The following KCNK9 variants were observed in gnomAD, a reference collection of about 807,000 sequenced individuals.
KCNK9 encodes potassium two pore domain channel subfamily K member 9.
Under a neutral mutation model 10.8 loss-of-function variants are expected in KCNK9, and 1 was observed. The ratio of observed to expected loss-of-function variants is 0.09; its 90% CI spans 0.03 to 0.44. KCNK9 has a LOEUF of 0.44. KCNK9 is among the 20% of genes least tolerant of loss of function. KCNK9 has a pLI of 0.97. For missense variants in KCNK9, 303 were observed against 515.0 expected (o/e 0.59, Z 3.98); for synonymous variants, 231 against 222.7 (o/e 1.04, Z -0.33).
rs569354406 is a variant in KCNK9 at position 139,668,410 on chromosome 8, G to C, written c.283+34300C>G. Among the ~76,000 whole-genome samples, 7 of 145,268 alleles carry C rather than the reference G, an allele frequency of 4.8e-5. No individual in the cohort carries two copies. The East Asian group carries it at 1.2e-3, about 25-fold the overall frequency. ...TGCACACTTAACAGACTGTAGTATA[G>C]TGTAAACAATACTTTTTTTTTTTTT... On this transcript the variant is annotated intron_variant, in intron 1 of 1. Transcript: ENST00000520439.
intron 1 of KCNK9, among the ~76,000 whole-genome samples, chr8:139,691,198 T>TC: frequency 6.6e-6 from 1 of 152,176 alleles, no homozygotes; most frequent in Middle Eastern, 3.4e-3. Flanking sequence ...CAGGCTCCCT[T>TC]CCCCTCCCCC....
chr8:139,640,018 C>T (rs1325227654), intron 1 of KCNK9, among the ~76,000 whole-genome samples: 1 of 152,178 alleles, frequency 6.6e-6, no homozygotes, highest in Non-Finnish European at 1.5e-5. Flanking sequence ...CCTCCATCCA[C>T]TTCCTGCCAA....
intron 1 of KCNK9, among the ~76,000 whole-genome samples, chr8:139,668,539 A>C (rs1442842917): frequency 6.6e-6 from 1 of 151,450 alleles, no homozygotes. Context: ...ATCCTGCCTC[A>C]GCCTCCCAAG....
intron 1 of KCNK9, among the ~76,000 whole-genome samples, chr8:139,657,769 A>G (rs1314787545): frequency 6.6e-6 from 1 of 152,212 alleles, no homozygotes; most frequent in East Asian, 1.9e-4. Flanking sequence ...AAAGCTTTGC[A>G]TGAATTAACT....
At chr8:139,654,787 C>T (rs1323924575) in intron 1 of KCNK9, among the ~76,000 whole-genome samples, 1 of 152,210 alleles carries the variant, frequency 6.6e-6, no homozygotes, top group African/African-American at 2.4e-5. Flanking sequence ...CACCATGCTA[C>T]CCCGGGGCCT....
chr8:139,652,842 C>T (rs1815909809), intron 1 of KCNK9, among the ~76,000 whole-genome samples: 1 of 152,182 alleles, frequency 6.6e-6, no homozygotes, highest in Non-Finnish European at 1.5e-5. Context: ...TCTGGGGTCC[C>T]CTCAGCCCCT....
chr8:139,698,424 G>A (rs1563756220), intron 1 of KCNK9, among the ~76,000 whole-genome samples: 2 of 152,208 alleles, frequency 1.3e-5, no homozygotes, highest in Admixed American at 6.5e-5. Flanking sequence ...GAAAAAGGCT[G>A]GGACTGAGGC....
intron 1 of KCNK9, among the ~76,000 whole-genome samples, chr8:139,621,024 T>G (rs553831176): frequency 3.9e-5 from 6 of 152,316 alleles, no homozygotes; most frequent in African/African-American, 1.4e-4. Context: ...GCTTCACACC[T>G]GTAATCCCAG....
chr8:139,658,602 C>A (rs927595338), intron 1 of KCNK9, among the ~76,000 whole-genome samples: 2 of 152,220 alleles, frequency 1.3e-5, no homozygotes, highest in Non-Finnish European at 2.9e-5. Flanking sequence ...ACAACCCCTG[C>A]CTTCTGGAAT....
At chr8:139,695,397 G>C (rs1817025780) in intron 1 of KCNK9, among the ~76,000 whole-genome samples, 1 of 152,212 alleles carries the variant, frequency 6.6e-6, no homozygotes, top group Non-Finnish European at 1.5e-5. Flanking sequence ...ATTATTGGGA[G>C]AAACTCAGGA....
intron 1 of KCNK9, among the ~76,000 whole-genome samples, chr8:139,645,140 C>T (rs1034219792): frequency 6.6e-6 from 1 of 152,210 alleles, no homozygotes; most frequent in African/African-American, 2.4e-5. Context: ...GTGGCAGGGG[C>T]ACCCACCAAG....
At chr8:139,681,673 A>G (rs564813204) in intron 1 of KCNK9, among the ~76,000 whole-genome samples, 1 of 152,328 alleles carries the variant, frequency 6.6e-6, no homozygotes, top group East Asian at 1.9e-4. Flanking sequence ...TCCCTCTGCC[A>G]TAAGGAACAA....
chr8:139,653,051 G>A (rs1327790176), intron 1 of KCNK9, among the ~76,000 whole-genome samples: 1 of 152,178 alleles, frequency 6.6e-6, no homozygotes, highest in Non-Finnish European at 1.5e-5. Context: ...CCCCATGCCA[G>A]CGCCCCAGCA....
intron 1 of KCNK9, among the ~76,000 whole-genome samples, chr8:139,692,828 G>A (rs545484516): frequency 6.6e-6 from 1 of 152,276 alleles, no homozygotes; most frequent in South Asian, 2.1e-4. Context: ...GCCTGGCACT[G>A]CCTGTTTCCA....
intron 1 of KCNK9, among the ~76,000 whole-genome samples, chr8:139,701,202 T>C (rs1288494553): frequency 6.6e-6 from 1 of 151,792 alleles, no homozygotes; most frequent in Non-Finnish European, 1.5e-5. Context: ...AAACACAGTG[T>C]GGGAAGGGAA....
intron 1 of KCNK9, among the ~76,000 whole-genome samples, chr8:139,629,813 G>A (rs1815103943): frequency 6.6e-6 from 1 of 152,148 alleles, no homozygotes; most frequent in African/African-American, 2.4e-5. Flanking sequence ...TAAACCTGAT[G>A]GATGAGGGCT....
chr8:139,645,178 G>A (rs1040608389), intron 1 of KCNK9, among the ~76,000 whole-genome samples: 13 of 152,216 alleles, frequency 8.5e-5, no homozygotes, highest in Non-Finnish European at 1.5e-5. Flanking sequence ...TGGAGCACTG[G>A]GAGGCATTCT....
At chr8:139,640,171 C>T (rs1220829035) in intron 1 of KCNK9, among the ~76,000 whole-genome samples, 1 of 152,220 alleles carries the variant, frequency 6.6e-6, no homozygotes, top group Non-Finnish European at 1.5e-5. Context: ...TGTCTCTACC[C>T]CAGGCACCAT....
chr8:139,629,706 G>A (rs947562651), intron 1 of KCNK9, among the ~76,000 whole-genome samples: 4 of 151,960 alleles, frequency 2.6e-5, no homozygotes, highest in East Asian at 1.9e-4. Flanking sequence ...TCTGGTGGGG[G>A]CTCTCCGGGG....
Sources: gnomAD v4.1 joint callset for allele counts (sites outside exome capture counted in the v4.1 genomes callset) on GRCh38, gnomAD v4.1.1 for gene constraint, MANE v1.5 for transcripts, NCBI Gene and HGNC (gene_info 2026-07-23, HGNC 2026-07-21) for gene names.